The following ARHGEF28 variants were observed in gnomAD, a reference collection of about 807,000 sequenced individuals.
ARHGEF28 encodes 190 kDa guanine nucleotide exchange factor.
ARHGEF28 carries 152 observed loss-of-function variants against 206.6 expected under a neutral mutation model. The ratio of observed to expected loss-of-function variants is 0.74; its 90% CI spans 0.64 to 0.84. ARHGEF28 has a LOEUF of 0.84. ARHGEF28 is among the 40% of genes least tolerant of loss of function. The probability of loss-of-function intolerance (pLI) is 0.00; values close to 1 mark genes in which losing one functional copy is unlikely to be tolerated. For missense variants in ARHGEF28, 2,028 were observed against 2,073.2 expected (o/e 0.98, Z 0.42); for synonymous variants, 763 against 776.4 (o/e 0.98, Z 0.29).
intron 2 of ARHGEF28, among the ~76,000 whole-genome samples, chr5:73,696,345 C>T (rs1003982064): frequency 7.2e-5 from 11 of 152,202 alleles, no homozygotes; most frequent in South Asian, 4.1e-4. Flanking sequence ...CTCAGTTCTT[C>T]GTGAATGCCA....
chr5:73,780,833 G>A (rs367910172), intron 7 of ARHGEF28, 88 bp downstream of exon 7: 17 of 1,435,256 alleles, frequency 1.2e-5, no homozygotes, highest in East Asian at 5.0e-5. Context: ...TGGTGAAGCC[G>A]GCCAGGAATC....
At chr5:73,638,772 A>G (rs1378596162) in intron 1 of ARHGEF28, among the ~76,000 whole-genome samples, 2 of 152,196 alleles carry the variant, frequency 1.3e-5, no homozygotes, top group African/African-American at 4.8e-5. Flanking sequence ...GTATTTAGAA[A>G]ATACTAATCG....
chr5:73,863,297 T>C (rs1161191328), intron 16 of ARHGEF28: 1 of 152,220 alleles, frequency 6.6e-6, no homozygotes, highest in Non-Finnish European at 1.5e-5. Context: ...TATAGAATTC[T>C]TGTCTATGGT....
At chr5:73,830,090 A>G (rs1291148593) in intron 9 of ARHGEF28, among the ~76,000 whole-genome samples, 3 of 152,182 alleles carry the variant, frequency 2.0e-5, no homozygotes, top group African/African-American at 7.2e-5. Flanking sequence ...AAGTGTATTA[A>G]TATTTCTGCA....
chr5:73,729,187 T>A (rs58041856), intron 2 of ARHGEF28, among the ~76,000 whole-genome samples: 2,549 of 152,240 alleles, frequency 0.017, 66 homozygotes, highest in African/African-American at 0.058. Flanking sequence ...TTAGGCAAGT[T>A]ATTTAAGTGC....
intron 2 of ARHGEF28, among the ~76,000 whole-genome samples, chr5:73,697,848 A>G (rs1748321856): frequency 6.6e-6 from 1 of 152,148 alleles, no homozygotes; most frequent in Non-Finnish European, 1.5e-5. Context: ...CATCAGAACC[A>G]CACATCGTTT....
chr5:73,933,011 C>T (rs1028741837), intron 35 of ARHGEF28, among the ~76,000 whole-genome samples: 3 of 151,896 alleles, frequency 2.0e-5, no homozygotes, highest in African/African-American at 4.8e-5. Flanking sequence ...GGGGTTTCAC[C>T]GTGTTAGCCC....
In ARHGEF28 at chr5:73,848,854, T is replaced by C. The variant is rs1295521831; in HGVS notation, c.1636-122T>C. 5.7e-6 allele frequency: 4 copies of C among 701,062 alleles called. No individual in the cohort carries two copies. In the Admixed American group the frequency reaches 8.8e-5, roughly 15 times the overall value. The allele number at this position is 701,062 out of a possible 1,614,324, so 43.4% of individuals were successfully genotyped here. The stretch of plus-strand genomic sequence containing the variant: ...AAAACAGAAACACATAATGAGATCA[T>C]ATCAGAAATGTTCAGGTTGAATCTC... On this transcript the variant is annotated intron_variant, in intron 12 of 35. Coordinates refer to ENST00000513042, the MANE Select transcript of ARHGEF28 (RefSeq NM_001177693.2).
intron 35 of ARHGEF28, among the ~76,000 whole-genome samples, chr5:73,917,718 A>C (rs186184683): frequency 3.9e-5 from 6 of 152,364 alleles, no homozygotes; most frequent in Admixed American, 1.3e-4. Context: ...AAGCTGCTGA[A>C]GTGTGGGAGT....
rs144999161 is a variant in ARHGEF28, at chr5:73,765,611, G to A, written c.476-8244G>A. 8.0e-4 allele frequency among the ~76,000 whole-genome samples: 122 copies of A among 152,284 alleles called. 3 individuals are homozygous for A. The East Asian group carries it at 0.019, about 24-fold the overall frequency. On this transcript the variant is annotated intron_variant, in intron 4 of 35. Coordinates refer to ENST00000513042, the MANE Select transcript of ARHGEF28 (RefSeq NM_001177693.2). ...ATATAATTCCATCGTAAGTCAAAGAGTATCTGTATTTTATTCTGAACAAAA... is the reference window on the plus strand; with the variant it reads ...ATATAATTCCATCGTAAGTCAAAGAATATCTGTATTTTATTCTGAACAAAA...
chr5:73,653,573 T>C (rs1301364974), intron 1 of ARHGEF28, among the ~76,000 whole-genome samples: 1 of 152,208 alleles, frequency 6.6e-6, no homozygotes, highest in South Asian at 2.1e-4. Context: ...TTCTGCCTCC[T>C]TGTGTCTTGC....
intron 2 of ARHGEF28, among the ~76,000 whole-genome samples, chr5:73,690,527 A>G (rs1436038362): frequency 7.5e-6 from 1 of 134,204 alleles, no homozygotes; most frequent in Non-Finnish European, 1.5e-5. Context: ...TGTCTTTACA[A>G]AAAAAAAAAA....
intron 2 of ARHGEF28, among the ~76,000 whole-genome samples, chr5:73,741,373 GTGTGTGTGTGTGTATATATATATATATA>G (rs1751382864): frequency 1.4e-4 from 7 of 50,320 alleles, no homozygotes; most frequent in African/African-American, 4.6e-4. Flanking sequence ...GTGTGTGTGT[GTGTGTGTGTGTGTATATATATATATATA>G]TATATATATA....
chr5:73,926,292 A>G, intron 35 of ARHGEF28, among the ~76,000 whole-genome samples: 1 of 152,234 alleles, frequency 6.6e-6, no homozygotes, highest in East Asian at 1.9e-4. Flanking sequence ...CAAAAACAAG[A>G]GAGACATAGC....
At chr5:73,865,813 T>C (rs6880981) in intron 17 of ARHGEF28, among the ~76,000 whole-genome samples, 152 bp from the exon 18 acceptor site, 1,879 of 152,322 alleles carry the variant, frequency 0.012, 43 homozygotes, top group African/African-American at 0.04. Flanking sequence ...GACTCTTCAT[T>C]GCATTTAATG....
At chr5:73,927,688 AC>A (rs2112006049) in intron 35 of ARHGEF28, among the ~76,000 whole-genome samples, 1 of 152,262 alleles carries the variant, frequency 6.6e-6, no homozygotes, top group African/African-American at 2.4e-5. Context: ...CTGTTTTGGT[AC>A]TTTAAGGGCC....
At chr5:73,651,762 C>A (rs1383169261) in intron 1 of ARHGEF28, among the ~76,000 whole-genome samples, 6 of 152,092 alleles carry the variant, frequency 3.9e-5, no homozygotes, top group African/African-American at 1.4e-4. Flanking sequence ...CATTGTGGGA[C>A]TTTTAGGCTA....
chr5:73,750,469 T>C (rs1015372612), intron 3 of ARHGEF28, among the ~76,000 whole-genome samples: 10 of 152,160 alleles, frequency 6.6e-5, no homozygotes, highest in African/African-American at 2.4e-4. Flanking sequence ...CTTTCCTTGA[T>C]GCCCTGTCCA....
chr5:73,894,447 ATATC>A lies in ARHGEF28; in HGVS notation c.3717_3720del (p.Ile1239MetfsTer7). 1 of 1,613,834 alleles carries A rather than the reference ATATC, an allele frequency of 6.2e-7. No homozygotes were observed. Among genetic ancestry groups the A allele is most frequent in the African/African-American group, 1.3e-5 (1 of 75,048 alleles). On this transcript the variant is annotated frameshift_variant, in exon 29 of 36. Coordinates refer to ENST00000513042, the MANE Select transcript of ARHGEF28 (RefSeq NM_001177693.2). LOFTEE classifies it high-confidence loss of function. ...TGTGCGTATTTGGAGGAGAAGCTGC[ATATC>A]TATGCTGAACTTGGAGAACTGAGCG...
Sources: gnomAD v4.1 joint callset for allele counts (sites outside exome capture counted in the v4.1 genomes callset) on GRCh38, gnomAD v4.1.1 for gene constraint, MANE v1.5 for transcripts, NCBI Gene and HGNC (gene_info 2026-07-23, HGNC 2026-07-21) for gene names.